KIAA0930: variants seen among roughly 807,000 people sequenced by gnomAD.
The protein encoded by KIAA0930 is uncharacterized protein KIAA0930.
Under a neutral mutation model 43.9 loss-of-function variants are expected in KIAA0930, and 24 were observed. That is an observed-to-expected ratio of 0.55 (90% CI 0.40 to 0.77). KIAA0930 has a LOEUF of 0.77. Ranked by LOEUF, KIAA0930 falls within the 30% of genes least tolerant of loss-of-function variation. The probability of loss-of-function intolerance (pLI) is 0.00; values close to 1 mark genes in which losing one functional copy is unlikely to be tolerated. For synonymous variants in KIAA0930, 259 were observed against 216.4 expected (o/e 1.20, Z -1.73); for missense variants, 461 against 574.2 (o/e 0.80, Z 2.02).
At chr22:45,209,774 G>A (rs1046988767) in intron 2 of KIAA0930, among the ~76,000 whole-genome samples, 6 of 152,304 alleles carry the variant, frequency 3.9e-5, no homozygotes, top group African/African-American at 1.2e-4. Context: ...CTCACAGTGG[G>A]TGTTCAATAG....
intron 5 of KIAA0930, among the ~76,000 whole-genome samples, chr22:45,204,794 A>G (rs2083621256): frequency 6.6e-6 from 1 of 151,668 alleles, no homozygotes; most frequent in Non-Finnish European, 1.5e-5. Flanking sequence ...CTTGGCCCAG[A>G]TAACTCCGGA....
At chr22:45,203,590 T>G (rs747550144) in intron 6 of KIAA0930, among the ~76,000 whole-genome samples, 3 of 152,118 alleles carry the variant, frequency 2.0e-5, no homozygotes, top group Non-Finnish European at 4.4e-5. Flanking sequence ...CCCAGGGAAC[T>G]AGAGACTGAG....
chr22:45,207,285 A>G (rs1404031727), intron 2 of KIAA0930, among the ~76,000 whole-genome samples: 1 of 150,374 alleles, frequency 6.7e-6, no homozygotes, highest in Non-Finnish European at 1.5e-5. Flanking sequence ...TGCAGGGATT[A>G]CAGGCATGAG....
chr22:45,205,769 A>AGGC, intron 3 of KIAA0930, 24 bp downstream of exon 3: 1 of 1,546,024 alleles, frequency 6.5e-7, no homozygotes. Context: ...GCCAATCCGC[A>AGGC]GCCCCACCCA....
In KIAA0930 at chr22:45,205,562, GTC is replaced by G. The variant is rs1330850290; in HGVS notation, c.414+66_414+67del. 6.9e-6 allele frequency: 10 copies of G among 1,459,112 alleles called. No homozygotes were observed. The East Asian group carries it at 1.4e-4, about 20-fold the overall frequency. 90.4% of individuals were successfully genotyped at this position (1,459,112 alleles called of 1,614,324 possible). On this transcript the variant is annotated intron_variant, in intron 4 of 9. Coordinates refer to ENST00000336156, the MANE Select transcript of KIAA0930 (RefSeq NM_001009880.2). Reference sequence around the variant, plus strand: ...GGCAGAGAAGCAAGCAGGAGGACTTGTCTCTCTCTGCCACGCCCAGCCTGAAC... The same window carrying G: ...GGCAGAGAAGCAAGCAGGAGGACTTGTCTCTCTGCCACGCCCAGCCTGAAC...
Position 45,203,138 on chromosome 22 carries a change from T to C in KIAA0930, c.704A>G (p.Tyr235Cys). The C allele has an allele frequency of 2.5e-6, 4 of 1,613,210 alleles. No individual in the cohort carries two copies. Among genetic ancestry groups the C allele is most frequent in the Non-Finnish European group, 3.4e-6 (4 of 1,179,602 alleles). Residue 235 changes from tyrosine to cysteine, a missense_variant, in exon 7 of 10, where the codon TAC (tyrosine) becomes TGC (cysteine). Tyr to Cys is a radical substitution (Grantham distance 194, BLOSUM62 -2). Transcript: ENST00000336156. Reference sequence around the variant, plus strand: ...CACAAACTCCATGTTGCTGTACTTGTAGAAGCCAAACGACATCTTCTGTGC... The same window carrying C: ...CACAAACTCCATGTTGCTGTACTTGCAGAAGCCAAACGACATCTTCTGTGC... ...RMAQKMSFGF[Y>C]KYSNMEFVRM... is the part of the protein sequence containing the mutation.
At chr22:45,227,145 T>C (rs950475312) in intron 1 of KIAA0930, among the ~76,000 whole-genome samples, 13 of 152,176 alleles carry the variant, frequency 8.5e-5, no homozygotes, top group Admixed American at 7.2e-4. Context: ...CCACGGCAGG[T>C]GCTCAGTGTG....
chr22:45,211,522 T>G (rs1365409612), intron 2 of KIAA0930: 3 of 444,156 alleles, frequency 6.8e-6, no homozygotes, highest in Non-Finnish European at 1.2e-5. Flanking sequence ...TGTGTCTAGA[T>G]GATGGCGAGG....
intron 2 of KIAA0930, 59 bp downstream of exon 2, chr22:45,211,897 C>G: frequency 6.4e-7 from 1 of 1,550,680 alleles, no homozygotes; most frequent in Non-Finnish European, 8.7e-7. Flanking sequence ...ACACCGAGAG[C>G]AGACACCACA....
chr22:45,208,017 C>G (rs1017420886), intron 2 of KIAA0930, among the ~76,000 whole-genome samples: 8 of 152,194 alleles, frequency 5.3e-5, no homozygotes, highest in Non-Finnish European at 1.5e-5. Flanking sequence ...CACGATCACA[C>G]GGCTGTTCGG....
chr22:45,194,100 G>A lies in KIAA0930; in HGVS notation c.*3076C>T, dbSNP rs1283373854. 2 of 97,552 alleles carry A rather than the reference G, an allele frequency of 2.1e-5. No homozygotes were observed. The highest frequency in any genetic ancestry group is 3.7e-5 in the Non-Finnish European group (2 of 54,286). The allele number at this position is 97,552 out of a possible 1,614,324, so 6.0% of individuals were successfully genotyped here. A position where few individuals can be genotyped will look rare whatever the true frequency, so the allele number is the denominator to read the frequency against. On this transcript the variant is annotated 3_prime_UTR_variant, in exon 10 of 10. Coordinates refer to ENST00000336156, the MANE Select transcript of KIAA0930 (RefSeq NM_001009880.2). ...TTTTTTTTTTTTTTTTTGAGACAGAGTTTCGCTCTCGTTGCCCAGGCTAGA... is the reference window on the plus strand; with the variant it reads ...TTTTTTTTTTTTTTTTTGAGACAGAATTTCGCTCTCGTTGCCCAGGCTAGA...
At chr22:45,227,618 C>T (rs1455299205) in intron 1 of KIAA0930, among the ~76,000 whole-genome samples, 5 of 152,154 alleles carry the variant, frequency 3.3e-5, no homozygotes, top group Admixed American at 2.0e-4. Context: ...CTCACGTCAC[C>T]GGGCTGTCAC....
chr22:45,216,719 T>A (rs1196750967), intron 1 of KIAA0930, among the ~76,000 whole-genome samples: 1 of 152,082 alleles, frequency 6.6e-6, no homozygotes, highest in Non-Finnish European at 1.5e-5. Context: ...GACTCCTCTC[T>A]GTCCCTTCTC....
rs1488650196 is a variant in KIAA0930, at chr22:45,195,507, T to C, written c.*1669A>G. The C allele has an allele frequency of 6.6e-6, 1 of 152,320 alleles. No individual in the cohort carries two copies. The highest frequency in any genetic ancestry group is 2.4e-5 in the African/African-American group (1 of 41,436). 9.4% of individuals were successfully genotyped at this position (152,320 alleles called of 1,614,324 possible). On this transcript the variant is annotated 3_prime_UTR_variant, in exon 10 of 10. Coordinates refer to ENST00000336156, the MANE Select transcript of KIAA0930 (RefSeq NM_001009880.2). ...TCCCTGAGGCTCTGTCCCCACACTT[T>C]GGGGCATGACATGACCTGGCTCTGT...
intron 1 of KIAA0930, among the ~76,000 whole-genome samples, chr22:45,225,802 C>T (rs1048307007): frequency 8.5e-5 from 13 of 152,246 alleles, no homozygotes; most frequent in Admixed American, 6.5e-4. Flanking sequence ...GTGCACCTGA[C>T]GGCATTGCCT....
At chr22:45,231,295 G>A (rs544007214) in intron 1 of KIAA0930, among the ~76,000 whole-genome samples, 3 of 151,662 alleles carry the variant, frequency 2.0e-5, no homozygotes, top group African/African-American at 7.3e-5. Flanking sequence ...TCCTTATGAA[G>A]GCTCCTGTAT....
chr22:45,226,164 G>A (rs1284820155), intron 1 of KIAA0930: 1 of 441,646 alleles, frequency 2.3e-6, no homozygotes. Flanking sequence ...TCAGCTGCTG[G>A]CAGGCAGAAC....
chr22:45,235,112 G>C (rs1048140228), intron 1 of KIAA0930: 1 of 152,114 alleles, frequency 6.6e-6, no homozygotes. Context: ...AGCCTCCCCA[G>C]CTCGATGAAG....
chr22:45,239,158 CA>C (rs780455371), intron 1 of KIAA0930, among the ~76,000 whole-genome samples: 22 of 152,230 alleles, frequency 1.4e-4, no homozygotes, highest in Non-Finnish European at 3.1e-4. Flanking sequence ...TGTGTGTGGA[CA>C]GGGGAGTGGG....
Sources: allele counts gnomAD v4.1 joint callset (sites outside exome capture counted in the v4.1 genomes callset), GRCh38; gene constraint gnomAD v4.1.1; transcripts MANE v1.5; gene names NCBI Gene and HGNC (gene_info 2026-07-23, HGNC 2026-07-21).